The following TDRP variants were observed in gnomAD, a reference collection of about 807,000 sequenced individuals.
TDRP encodes the protein testis development related protein.
In TDRP, 12 loss-of-function variants were observed where a neutral mutation model predicts 10.5. The ratio of observed to expected loss-of-function variants is 1.15; its 90% CI spans 0.73 to 1.86. The LOEUF is 1.86. Among genes scored for constraint, TDRP ranks in the 40% most tolerant of loss-of-function variants. The pLI is 0.00. For missense variants in TDRP, 353 were observed against 229.2 expected, an observed-to-expected ratio of 1.54 and a Z score of -3.49; for synonymous variants, 139 against 95.4, an observed-to-expected ratio of 1.46 and a Z score of -2.67.
At chr8:519,054 C>A (rs1356088157) in intron 1 of TDRP, among the ~76,000 whole-genome samples, 1 of 130,324 alleles carries the variant, frequency 7.7e-6, no homozygotes, top group Non-Finnish European at 1.8e-5. Flanking sequence ...ACACCCACCT[C>A]CTCCTCTGAC....
intron 1 of TDRP, among the ~76,000 whole-genome samples, chr8:495,336 T>C (rs891022135): frequency 7.2e-5 from 11 of 152,346 alleles, no homozygotes; most frequent in African/African-American, 2.6e-4. Flanking sequence ...CAAGGTCCCC[T>C]GGAACAACTG....
intron 1 of TDRP, among the ~76,000 whole-genome samples, chr8:511,963 A>AG (rs2116786227): frequency 1.3e-5 from 2 of 152,338 alleles, no homozygotes; most frequent in Non-Finnish European, 2.9e-5. Flanking sequence ...AAAGAAAAAA[A>AG]GATATCAAAT....
intron 1 of TDRP, among the ~76,000 whole-genome samples, chr8:507,515 A>T (rs936542574): frequency 6.6e-6 from 1 of 152,134 alleles, no homozygotes; most frequent in Non-Finnish European, 1.5e-5. Flanking sequence ...AGCAGCAATT[A>T]CTGGAATTTA....
chr8:505,662 C>G (rs1312155607), intron 1 of TDRP, among the ~76,000 whole-genome samples: 2 of 152,180 alleles, frequency 1.3e-5, no homozygotes, highest in African/African-American at 2.4e-5. Context: ...GAAACCAATG[C>G]CATCTGTCAG....
Position 491,650 on chromosome 8 carries a change from A to C in TDRP, c.*749T>G, listed in dbSNP as rs1261502272. ...TAAATGAAATTATCAACTGACTAAA[A>C]TTGATCCATACTTCTTTAATCTGTA... is the stretch of plus-strand genomic sequence containing the variant. On this transcript the variant is annotated 3_prime_UTR_variant, in exon 3 of 3. Coordinates refer to ENST00000324079, the MANE Select transcript of TDRP (RefSeq NM_001384899.1). 2 of 1,531,122 alleles carry C rather than the reference A, an allele frequency of 1.3e-6. No homozygotes were observed. Among genetic ancestry groups the C allele is most frequent in the South Asian group, 2.4e-5 (2 of 82,708 alleles). 94.8% of individuals were successfully genotyped at this position (1,531,122 alleles called of 1,614,324 possible).
At chr8:524,831 G>A (rs758593357) in intron 1 of TDRP, among the ~76,000 whole-genome samples, 44 of 152,104 alleles carry the variant, frequency 2.9e-4, no homozygotes, top group Non-Finnish European at 5.9e-4. Context: ...GCCTCAAAAA[G>A]GCAAAGCTAG....
At chr8:494,872 T>G (rs1014083503) in intron 1 of TDRP, 2 of 273,106 alleles carry the variant, frequency 7.3e-6, no homozygotes, top group Non-Finnish European at 1.4e-5. Context: ...CTCAAAAAGC[T>G]TATGAAAGTG....
At chr8:536,794 CA>C (rs1802358437) in intron 1 of TDRP, among the ~76,000 whole-genome samples, 4 of 152,186 alleles carry the variant, frequency 2.6e-5, no homozygotes, top group Admixed American at 2.6e-4. Context: ...GCTCCCCAAG[CA>C]TCAGTTAAGA....
At chr8:503,043 A>G (rs1009359549) in intron 1 of TDRP, among the ~76,000 whole-genome samples, 4 of 151,984 alleles carry the variant, frequency 2.6e-5, no homozygotes, top group African/African-American at 9.7e-5. Context: ...ACAACACGGA[A>G]TCCAGAGCCA....
At chr8:527,679 GT>G (rs1353907183) in intron 1 of TDRP, among the ~76,000 whole-genome samples, 3 of 152,116 alleles carry the variant, frequency 2.0e-5, no homozygotes, top group African/African-American at 7.2e-5. Flanking sequence ...TCAATAAATG[GT>G]TCTGGGAAAA....
At chr8:530,996 C>A (rs1297111061) in intron 1 of TDRP, among the ~76,000 whole-genome samples, 1 of 152,068 alleles carries the variant, frequency 6.6e-6, no homozygotes, top group Non-Finnish European at 1.5e-5. Context: ...CCAAAGTATG[C>A]CAGTTCCCAG....
chr8:542,857 C>CA (rs34967419), intron 1 of TDRP, among the ~76,000 whole-genome samples: 63,699 of 105,500 alleles, frequency 0.6, 19,423 homozygotes, highest in South Asian at 0.73. Flanking sequence ...AACTTCATCT[C>CA]AAAAAAAAAA....
At chr8:498,070 C>A (rs1283435125) in intron 1 of TDRP, among the ~76,000 whole-genome samples, 3 of 152,186 alleles carry the variant, frequency 2.0e-5, no homozygotes. Flanking sequence ...AGAACCTCCA[C>A]TAGGGCAGCA....
intron 1 of TDRP, among the ~76,000 whole-genome samples, chr8:498,768 A>C (rs1801205423): frequency 6.6e-6 from 1 of 152,172 alleles, no homozygotes; most frequent in Admixed American, 6.5e-5. Flanking sequence ...CCCACATGTC[A>C]GGGAAGGGAC....
At chr8:508,031 G>T (rs1046838562) in intron 1 of TDRP, among the ~76,000 whole-genome samples, 2 of 152,188 alleles carry the variant, frequency 1.3e-5, no homozygotes, top group Non-Finnish European at 2.9e-5. Context: ...CAAACTGCCA[G>T]ATCTGTGGAT....
intron 1 of TDRP, among the ~76,000 whole-genome samples, chr8:528,525 T>A (rs1258813260): frequency 6.7e-6 from 1 of 149,720 alleles, no homozygotes; most frequent in Non-Finnish European, 1.5e-5. Context: ...TCCATCAACA[T>A]CAACATACAA....
Position 519,815 on chromosome 8 carries a change from A to G in TDRP, c.108+24835T>C, listed in dbSNP as rs1448372410. ...GGCATTGTCAAGTGGTATGTGACCC[A>G]CCCTGATGGCTCATCTTGAATTATT... On this transcript the variant is annotated intron_variant, in intron 1 of 2. Coordinates refer to ENST00000324079, the MANE Select transcript of TDRP (RefSeq NM_001384899.1). Among the ~76,000 whole-genome samples, 6 of 152,162 alleles carry G rather than the reference A, an allele frequency of 3.9e-5. No individual in the cohort carries two copies. In the East Asian group the frequency reaches 1.2e-3, roughly 29 times the overall value.
intron 1 of TDRP, among the ~76,000 whole-genome samples, chr8:511,538 C>T (rs1028881451): frequency 6.6e-6 from 1 of 152,124 alleles, no homozygotes; most frequent in African/African-American, 2.4e-5. Context: ...CACCATGCCA[C>T]TTTCAATAAT....
chr8:524,693 G>C (rs192733773), intron 1 of TDRP, among the ~76,000 whole-genome samples: 63 of 152,268 alleles, frequency 4.1e-4, no homozygotes, highest in African/African-American at 1.5e-3. Context: ...AGTCTCAAAA[G>C]TAGAATTGAT....
Sources: gnomAD v4.1 joint callset for allele counts (sites outside exome capture counted in the v4.1 genomes callset) on GRCh38, gnomAD v4.1.1 for gene constraint, MANE v1.5 for transcripts, NCBI Gene and HGNC (gene_info 2026-07-23, HGNC 2026-07-21) for gene names.